Variants in ALLC observed in about 807,000 individuals in gnomAD.
ALLC encodes the protein allantoicase.
ALLC carries 40 observed loss-of-function variants against 45.0 expected under a neutral mutation model. That is an observed-to-expected ratio of 0.89 (90% CI 0.69 to 1.16). ALLC has a LOEUF of 1.16. Among genes scored for constraint, ALLC ranks in the 50% most tolerant of loss-of-function variants. ALLC has a pLI of 0.00. For missense variants in ALLC, 488 were observed against 493.1 expected, an observed-to-expected ratio of 0.99 and a Z score of 0.10; for synonymous variants, 176 against 178.1, an observed-to-expected ratio of 0.99 and a Z score of 0.09.
intron 7 of ALLC, among the ~76,000 whole-genome samples, 175 bp downstream of exon 7, chr2:3,683,249 C>T (rs1667245917): frequency 6.6e-6 from 1 of 152,170 alleles, no homozygotes; most frequent in Non-Finnish European, 1.5e-5. Context: ...ATCCACACAT[C>T]AATAGGTGGT....
At chr2:3,689,134 A>G (rs928253274) in intron 7 of ALLC, among the ~76,000 whole-genome samples, 4 of 150,770 alleles carry the variant, frequency 2.7e-5, no homozygotes, top group African/African-American at 9.7e-5. Flanking sequence ...AGTCTAGCTA[A>G]AGGTCCATCA....
chr2:3,684,160 A>G (rs117725454), intron 7 of ALLC, among the ~76,000 whole-genome samples: 1 of 152,230 alleles, frequency 6.6e-6, no homozygotes, highest in East Asian at 1.9e-4. Flanking sequence ...TGTTTGAAGA[A>G]TTACTAGGCT....
intron 1 of ALLC, among the ~76,000 whole-genome samples, chr2:3,663,082 C>T (rs1231187035): frequency 1.3e-5 from 2 of 152,074 alleles, no homozygotes; most frequent in Non-Finnish European, 2.9e-5. Context: ...GGGTATATAC[C>T]CAAAGAAATG....
intron 7 of ALLC, chr2:3,694,642 G>A (rs1225419457): frequency 2.6e-5 from 4 of 152,052 alleles, no homozygotes; most frequent in South Asian, 2.1e-4. Flanking sequence ...CTCATAACCC[G>A]GCTCCTGCTG....
intron 1 of ALLC, among the ~76,000 whole-genome samples, chr2:3,669,359 A>G (rs1424172599): frequency 5.9e-5 from 9 of 152,226 alleles, no homozygotes; most frequent in Admixed American, 4.6e-4. Context: ...TTGTAATCTC[A>G]GCTACTCGGG....
intron 1 of ALLC, among the ~76,000 whole-genome samples, chr2:3,669,504 C>T (rs13402302): frequency 0.089 from 13,346 of 149,780 alleles, 708 homozygotes; most frequent in East Asian, 0.2. Flanking sequence ...AAAAATTAGC[C>T]GGGCGTGGTG....
rs1667083081 is a variant in ALLC, at chr2:3,678,449, G to T, written c.85-19G>T. ...TCACATGAATGTTAATGATCACCTT[G>T]TTGTGGTCTTTGCCCTAGAGTGACA... On this transcript the variant is annotated intron_variant, in intron 3 of 11. Transcript: ENST00000252505. The T allele has an allele frequency of 2.5e-6, 4 of 1,600,874 alleles. No homozygotes were observed. The highest frequency in any genetic ancestry group is 1.3e-5 in the African/African-American group (1 of 74,636).
At chr2:3,693,146 C>G (rs1027685261) in intron 7 of ALLC, among the ~76,000 whole-genome samples, 7 of 152,180 alleles carry the variant, frequency 4.6e-5, no homozygotes, top group Admixed American at 2.6e-4. Flanking sequence ...ATAGATGTTG[C>G]TGAATTTTCC....
In ALLC at chr2:3,661,945, G is replaced by A. The variant is rs942442092; in HGVS notation, c.-63+3651G>A. ...AGAGGCTCTGGGAGCATCCTCTTCT[G>A]CCTTGTTGGGGTTGTGGGCAGAATC... On this transcript the variant is annotated intron_variant, in intron 1 of 11. Transcript: ENST00000252505. Among the ~76,000 whole-genome samples, 7 of 152,250 alleles carry A rather than the reference G, an allele frequency of 4.6e-5. No individual in the cohort carries two copies. In the South Asian group the frequency reaches 1.5e-3, roughly 32 times the overall value.
At chr2:3,688,301 G>C (rs1209555167) in intron 7 of ALLC, 1 of 163,520 alleles carries the variant, frequency 6.1e-6, no homozygotes, top group Non-Finnish European at 1.3e-5. Context: ...CACCATGCTA[G>C]TGAGCTTCCA....
intron 2 of ALLC, among the ~76,000 whole-genome samples, chr2:3,672,544 G>A (rs942116092): frequency 1.0e-5 from 1 of 98,894 alleles, no homozygotes; most frequent in African/African-American, 4.6e-5. Flanking sequence ...TAGATAGGAG[G>A]TCCTCTGGTT....
In ALLC at chr2:3,695,729, C is replaced by T. The variant is rs764084642; in HGVS notation, c.524C>T (p.Ala175Val). Residue 175 changes from alanine (A) to valine (V), a missense_variant, in exon 8 of 12, where the codon GCA becomes GTA. Physicochemically the swap from Ala to Val is moderately conservative, Grantham distance 64 (BLOSUM62 0). Transcript: ENST00000252505. The part of the protein sequence containing the change: ...RLNIFPDGGI[A>V]RLRVFGTGQK... ...CTTTCCTTTTCAGATGGTGGAATTG[C>T]ACGACTTAGAGTATTCGGTACTGGA... The T allele has an allele frequency of 1.2e-6, 2 of 1,613,988 alleles. No homozygotes were observed. Among genetic ancestry groups the T allele is most frequent in the Non-Finnish European group, 1.7e-6 (2 of 1,179,886 alleles).
At chr2:3,646,494 G>A in the ALLC span, among the ~76,000 whole-genome samples, 2 of 152,196 alleles carry the variant, frequency 1.3e-5, no homozygotes, top group African/African-American at 4.8e-5. Flanking sequence ...GAAGGACATA[G>A]CAAACAAGTT....
chr2:3,684,388 T>C (rs13022803), intron 7 of ALLC, among the ~76,000 whole-genome samples: 1 of 152,066 alleles, frequency 6.6e-6, no homozygotes, highest in African/African-American at 2.4e-5. Flanking sequence ...TATGTTTTAT[T>C]TGGAAAAATT....
chr2:3,699,573 G>A (rs1468179183), intron 10 of ALLC, among the ~76,000 whole-genome samples: 1 of 152,122 alleles, frequency 6.6e-6, no homozygotes, highest in African/African-American at 2.4e-5. Flanking sequence ...TTGAGGAATC[G>A]CCACAACACT....
At chr2:3,694,251 G>T (rs932327441) in intron 7 of ALLC, among the ~76,000 whole-genome samples, 2 of 152,180 alleles carry the variant, frequency 1.3e-5, no homozygotes, top group Non-Finnish European at 2.9e-5. Flanking sequence ...GGTCAGCATT[G>T]ATGGCCTGAA....
intron 2 of ALLC, among the ~76,000 whole-genome samples, chr2:3,672,699 A>AGATCGGAG (rs1666919899): frequency 1.6e-5 from 1 of 62,542 alleles, no homozygotes; most frequent in African/African-American, 6.7e-5. Flanking sequence ...TTAGATCGGA[A>AGATCGGAG]GTCCTCTGGC....
intron 1 of ALLC, among the ~76,000 whole-genome samples, chr2:3,660,521 A>G (rs1448612010): frequency 6.6e-6 from 1 of 152,120 alleles, no homozygotes; most frequent in East Asian, 1.9e-4. Context: ...CCGCCAAAGA[A>G]ACAGCCCTTG....
the ALLC span, among the ~76,000 whole-genome samples, chr2:3,652,125 G>A: frequency 0.069 from 10,510 of 152,336 alleles, 424 homozygotes; most frequent in East Asian, 0.11. Flanking sequence ...CCGGAGCCCC[G>A]CCTCGGTGCG....
Sources: allele counts gnomAD v4.1 joint callset (sites outside exome capture counted in the v4.1 genomes callset), GRCh38; gene constraint gnomAD v4.1.1; transcripts MANE v1.5; gene names NCBI Gene and HGNC (gene_info 2026-07-23, HGNC 2026-07-21).